Variants in TMEM132D observed in about 807,000 individuals in gnomAD.
TMEM132D encodes the protein transmembrane protein 132D.
In TMEM132D, 21 loss-of-function variants were observed where a neutral mutation model predicts 62.3. The ratio of observed to expected loss-of-function variants is 0.34; its 90% CI spans 0.24 to 0.49. The LOEUF (loss-of-function observed/expected upper bound fraction) is 0.49, where lower values mean the gene tolerates loss of function less well. Ranked by LOEUF, TMEM132D falls within the 20% of genes least tolerant of loss-of-function variation. The pLI is 0.99. For synonymous variants in TMEM132D, 621 were observed against 575.6 expected, an observed-to-expected ratio of 1.08 and a Z score of -1.13; for missense variants, 1,346 against 1,402.8, an observed-to-expected ratio of 0.96 and a Z score of 0.65.
intron 1 of TMEM132D, among the ~76,000 whole-genome samples, chr12:129,778,114 C>A (rs77001597): frequency 4.7e-3 from 399 of 85,290 alleles, no homozygotes; most frequent in South Asian, 7.6e-3. Context: ...GACCCTGTCT[C>A]AAAAAAAAAA....
At chr12:129,706,970 G>C (rs985088569) in intron 1 of TMEM132D, among the ~76,000 whole-genome samples, 1 of 151,304 alleles carries the variant, frequency 6.6e-6, no homozygotes, top group African/African-American at 2.4e-5. Flanking sequence ...CAAATTCATA[G>C]TCTTCAATAG....
At chr12:129,106,236 G>A (rs1454520904) in intron 5 of TMEM132D, among the ~76,000 whole-genome samples, 2 of 144,004 alleles carry the variant, frequency 1.4e-5, no homozygotes, top group African/African-American at 5.3e-5. Flanking sequence ...ATGGACAAAG[G>A]AAGGGGAACA....
At chr12:129,684,803 G>A (rs1310759418) in intron 2 of TMEM132D, among the ~76,000 whole-genome samples, 4 of 151,988 alleles carry the variant, frequency 2.6e-5, no homozygotes, top group Admixed American at 2.0e-4. Context: ...AAGCAGAGGT[G>A]GTCTCAGATG....
chr12:129,206,773 T>TA (rs1175555886), intron 5 of TMEM132D, among the ~76,000 whole-genome samples: 1 of 152,088 alleles, frequency 6.6e-6, no homozygotes, highest in Non-Finnish European at 1.5e-5. Flanking sequence ...TATGCAGCCA[T>TA]AAAAGAGAAT....
At chr12:129,446,552 A>G (rs1477746364) in intron 3 of TMEM132D, among the ~76,000 whole-genome samples, 2 of 152,198 alleles carry the variant, frequency 1.3e-5, no homozygotes, top group Non-Finnish European at 2.9e-5. Context: ...TTATTAATTG[A>G]TATTTAATGT....
chr12:129,209,685 T>G lies in TMEM132D; in HGVS notation c.1300-22A>C, dbSNP rs754763096. ...CCTCCTGGAAGACCAAACACACCCT[T>G]CCATCACATCCCCTCCTGAGACGGC... On this transcript the variant is annotated intron_variant, in intron 4 of 8. Coordinates refer to ENST00000422113, the MANE Select transcript of TMEM132D (RefSeq NM_133448.3). 3.7e-6 allele frequency: 6 copies of G among 1,613,452 alleles called. No homozygotes were observed. In the Admixed American group the frequency reaches 8.3e-5, roughly 22 times the overall value.
At chr12:129,889,029 C>T (rs1221181051) in intron 1 of TMEM132D, among the ~76,000 whole-genome samples, 4 of 152,168 alleles carry the variant, frequency 2.6e-5, no homozygotes, top group Non-Finnish European at 5.9e-5. Context: ...GAGAAACGTT[C>T]TTTCTTTTTA....
chr12:129,870,666 T>C (rs963241422), intron 1 of TMEM132D, among the ~76,000 whole-genome samples: 2 of 152,220 alleles, frequency 1.3e-5, no homozygotes, highest in Admixed American at 1.3e-4. Flanking sequence ...AGCATGCTTT[T>C]GGTGGCTTCT....
intron 1 of TMEM132D, among the ~76,000 whole-genome samples, chr12:129,760,386 C>T (rs1870322602): frequency 7.6e-6 from 1 of 132,098 alleles, no homozygotes; most frequent in South Asian, 2.6e-4. Context: ...GGCTAGAGTG[C>T]AGTGGCGCGA....
chr12:129,477,546 T>C (rs995414016), intron 3 of TMEM132D, among the ~76,000 whole-genome samples: 1 of 152,062 alleles, frequency 6.6e-6, no homozygotes, highest in Non-Finnish European at 1.5e-5. Context: ...CAGGACTGGG[T>C]GCCGTGGCTC....
intron 1 of TMEM132D, among the ~76,000 whole-genome samples, chr12:129,818,593 TTGTGTGTGTGTATATG>T (rs957274443): frequency 6.8e-6 from 1 of 146,462 alleles, no homozygotes; most frequent in Non-Finnish European, 1.5e-5. Flanking sequence ...TGGAGTGTGT[TTGTGTGTGTGTATATG>T]TGTGTGTGTG....
At chr12:129,769,256 T>A (rs935745454) in intron 1 of TMEM132D, among the ~76,000 whole-genome samples, 2 of 152,110 alleles carry the variant, frequency 1.3e-5, no homozygotes, top group African/African-American at 4.8e-5. Flanking sequence ...GTTGAACGAC[T>A]CACAGTTCCA....
intron 1 of TMEM132D, among the ~76,000 whole-genome samples, chr12:129,707,867 T>A (rs1256857604): frequency 6.6e-6 from 1 of 152,032 alleles, no homozygotes; most frequent in Non-Finnish European, 1.5e-5. Context: ...GGGGACTGAT[T>A]AAATATCAAG....
chr12:129,531,635 T>A (rs777208180), intron 2 of TMEM132D, among the ~76,000 whole-genome samples: 1 of 152,168 alleles, frequency 6.6e-6, no homozygotes, highest in Non-Finnish European at 1.5e-5. Context: ...CAGGCCCTGA[T>A]GGACACTGTG....
chr12:129,270,762 G>A (rs147559543), intron 4 of TMEM132D, among the ~76,000 whole-genome samples: 167 of 152,314 alleles, frequency 1.1e-3, no homozygotes, highest in Non-Finnish European at 1.9e-3. Context: ...GGGTTCTAAA[G>A]TGTTCCATTA....
intron 4 of TMEM132D, among the ~76,000 whole-genome samples, chr12:129,301,399 C>T (rs918571065): frequency 1.3e-5 from 2 of 152,020 alleles, no homozygotes; most frequent in Admixed American, 1.3e-4. Context: ...TGTTTCCTAA[C>T]ATTTGCTCAG....
At chr12:129,211,785 C>T (rs1232147242) in intron 4 of TMEM132D, among the ~76,000 whole-genome samples, 1 of 152,154 alleles carries the variant, frequency 6.6e-6, no homozygotes, top group Non-Finnish European at 1.5e-5. Flanking sequence ...ACTTTTTCTC[C>T]TCTGTGGGTT....
chr12:129,516,041 C>G (rs1333326713), intron 3 of TMEM132D, among the ~76,000 whole-genome samples: 1 of 152,230 alleles, frequency 6.6e-6, no homozygotes, highest in Non-Finnish European at 1.5e-5. Context: ...ACGCAAGGTG[C>G]TTTTCATGCA....
At chr12:129,837,972 TTC>T (rs1221691540) in intron 1 of TMEM132D, among the ~76,000 whole-genome samples, 2 of 152,242 alleles carry the variant, frequency 1.3e-5, no homozygotes, top group East Asian at 3.8e-4. Context: ...ATTTTTTTCT[TTC>T]TCTCTTCAGA....
Sources: allele counts gnomAD v4.1 joint callset (sites outside exome capture counted in the v4.1 genomes callset), GRCh38; gene constraint gnomAD v4.1.1; transcripts MANE v1.5; gene names NCBI Gene and HGNC (gene_info 2026-07-23, HGNC 2026-07-21).